ITIH2: variants seen among roughly 807,000 people sequenced by gnomAD.
ITIH2 encodes inter-alpha-trypsin inhibitor heavy chain H2.
Under a neutral mutation model 104.4 loss-of-function variants are expected in ITIH2, and 103 were observed. The observed-to-expected ratio is 0.99, with a 90% confidence interval of 0.84 to 1.16. The LOEUF is 1.16. ITIH2 is among the 50% of genes most tolerant of loss of function. The pLI is 0.00. For synonymous variants in ITIH2, 436 were observed against 435.4 expected, an observed-to-expected ratio of 1.00 and a Z score of -0.02; for missense variants, 1,108 against 1,162.4, an observed-to-expected ratio of 0.95 and a Z score of 0.68.
intron 9 of ITIH2, among the ~76,000 whole-genome samples, chr10:7,725,195 A>C (rs7068351): frequency 0.073 from 11,102 of 152,246 alleles, 563 homozygotes; most frequent in African/African-American, 0.14. Context: ...AAAATAAAAG[A>C]AGCATATGTT....
At chr10:7,726,869 G>A (rs1019186532) in intron 9 of ITIH2, 81 bp from the exon 10 acceptor site, 3 of 1,190,520 alleles carry the variant, frequency 2.5e-6, no homozygotes, top group South Asian at 1.7e-5. Flanking sequence ...AAGATGACCA[G>A]GATCAATGAT....
intron 12 of ITIH2, among the ~76,000 whole-genome samples, chr10:7,731,065 T>C (rs1251817398): frequency 6.6e-6 from 1 of 152,120 alleles, no homozygotes; most frequent in Non-Finnish European, 1.5e-5. Context: ...ATTACAGGCA[T>C]GTGCCACCAG....
At chr10:7,713,624 T>C (rs1281460838) in intron 5 of ITIH2, among the ~76,000 whole-genome samples, 1 of 152,244 alleles carries the variant, frequency 6.6e-6, no homozygotes, top group Non-Finnish European at 1.5e-5. Flanking sequence ...AAACTTAACA[T>C]ATAAGCAGAA....
At position 7,744,914 on chromosome 10, in the gene ITIH2, C is replaced by G; in HGVS notation, c.2532C>G (p.Ile844Met). 1 of 1,614,102 alleles carries G rather than the reference C, an allele frequency of 6.2e-7. No individual in the cohort carries two copies. Among genetic ancestry groups the G allele is most frequent in the Middle Eastern group, 1.6e-4 (1 of 6,062 alleles). Residue 844 changes from isoleucine to methionine, a missense_variant, in exon 19 of 21, where the codon ATC (isoleucine) becomes ATG (methionine). Physicochemically the swap from Ile to Met is conservative, Grantham distance 10 (BLOSUM62 1). Coordinates refer to ENST00000358415, the MANE Select transcript of ITIH2 (RefSeq NM_002216.3). The stretch of plus-strand genomic sequence containing the variant: ...CCGTCAATGTTGACTTTCTGGGAAT[C>G]TACATACCCCCTACAAACAAGTTCT... ...KHPVNVDFLG[I>M]YIPPTNKFSP... is the part of the protein sequence containing the mutation.
chr10:7,710,923 T>C (rs1834791483), intron 4 of ITIH2, among the ~76,000 whole-genome samples: 1 of 151,828 alleles, frequency 6.6e-6, no homozygotes, highest in Non-Finnish European at 1.5e-5. Flanking sequence ...TTTCCTTCTT[T>C]TTTTTTTTTC....
At chr10:7,704,932 G>T (rs912098111) in intron 1 of ITIH2, among the ~76,000 whole-genome samples, 176 bp from the exon 2 acceptor site, 2 of 150,906 alleles carry the variant, frequency 1.3e-5, no homozygotes, top group Non-Finnish European at 2.9e-5. Flanking sequence ...GGGGTGGGGG[G>T]CTAGGGGAGG....
intron 5 of ITIH2, among the ~76,000 whole-genome samples, chr10:7,715,370 G>A (rs536852491): frequency 2.0e-5 from 3 of 151,792 alleles, no homozygotes; most frequent in Non-Finnish European, 4.4e-5. Context: ...GCAGTGAGTC[G>A]ACATTGTGCC....
intron 5 of ITIH2, among the ~76,000 whole-genome samples, chr10:7,717,257 C>T (rs1261408294): frequency 6.6e-6 from 1 of 152,106 alleles, no homozygotes; most frequent in Non-Finnish European, 1.5e-5. Context: ...CAGCCCAAGC[C>T]TAATTTTTTT....
intron 4 of ITIH2, among the ~76,000 whole-genome samples, chr10:7,709,861 C>T (rs935801226): frequency 2.5e-4 from 37 of 149,280 alleles, no homozygotes; most frequent in Non-Finnish European, 4.3e-4. Flanking sequence ...AGCTTGGCTT[C>T]TTTTTTTTTT....
Position 7,737,430 on chromosome 10 carries a change from C to T in ITIH2, c.1958-1191C>T, listed in dbSNP as rs761041564. Among the ~76,000 whole-genome samples, 345 of 109,898 alleles carry T rather than the reference C, an allele frequency of 3.1e-3. 3 individuals carry two copies. The highest frequency in any genetic ancestry group is 0.012 in the African/African-American group (328 of 26,612). 72.1% of individuals were successfully genotyped at this position (109,898 alleles called of 152,430 possible). Reference sequence around the variant, plus strand: ...TCATATATATATATATATATATACACGTGTATATATATATATAACAGATAA... The same window carrying T: ...TCATATATATATATATATATATACATGTGTATATATATATATAACAGATAA... On this transcript the variant is annotated intron_variant, in intron 15 of 20. Transcript: ENST00000358415.
rs143525858 is a variant in ITIH2, at chr10:7,722,822, C to T, written c.868-629C>T. Among the ~76,000 whole-genome samples the T allele has an allele frequency of 6.4e-3, 982 of 152,330 alleles. 10 individuals are homozygous for T. The highest frequency in any genetic ancestry group is 0.011 in the South Asian group (54 of 4,824). ...TTCCTAATCATGGTGTTGAACACAC[C>T]GCGCTGCACATTGCCTCCACTTACC... is the stretch of plus-strand genomic sequence containing the variant. On this transcript the variant is annotated intron_variant, in intron 8 of 20. Transcript: ENST00000358415.
At chr10:7,748,887 A>G (rs1370744016) in intron 20 of ITIH2, among the ~76,000 whole-genome samples, 2 of 151,830 alleles carry the variant, frequency 1.3e-5, no homozygotes, top group Non-Finnish European at 2.9e-5. Flanking sequence ...CAGCCTCAAC[A>G]CTGTGGAGTC....
At chr10:7,733,364 G>A (rs1012017774) in intron 14 of ITIH2, among the ~76,000 whole-genome samples, 1 of 152,118 alleles carries the variant, frequency 6.6e-6, no homozygotes, top group Non-Finnish European at 1.5e-5. Context: ...CTAATGTGCT[G>A]GGATTACAGG....
At chr10:7,732,108 G>A in intron 13 of ITIH2, 112 bp downstream of exon 13, 1 of 943,160 alleles carries the variant, frequency 1.1e-6, no homozygotes, top group Non-Finnish European at 1.6e-6. Flanking sequence ...GAAGCAATCA[G>A]TGATGGAGAA....
At chr10:7,735,277 T>C (rs917532188) in intron 15 of ITIH2, among the ~76,000 whole-genome samples, 186 bp downstream of exon 15, 1 of 152,204 alleles carries the variant, frequency 6.6e-6, no homozygotes, top group Admixed American at 6.5e-5. Flanking sequence ...TCGTTGACCA[T>C]TTTGCTCACA....
At chr10:7,715,686 C>T (rs555503798) in intron 5 of ITIH2, among the ~76,000 whole-genome samples, 1 of 152,192 alleles carries the variant, frequency 6.6e-6, no homozygotes, top group Non-Finnish European at 1.5e-5. Context: ...CTATCCACAA[C>T]AACTCCCCAA....
Position 7,703,612 on chromosome 10 carries a change from G to A in ITIH2, c.84+94G>A, listed in dbSNP as rs988067261. 1.8e-4 allele frequency: 135 copies of A among 759,206 alleles called. No homozygotes were observed. In the African/African-American group the frequency reaches 2.0e-3, roughly 11 times the overall value. 47.0% of individuals were successfully genotyped at this position (759,206 alleles called of 1,614,324 possible). ...GCTATTCAATGGCCTTATTCTGTGT[G>A]TAATGGAAACTTAAGATAAAATTCA... On this transcript the variant is annotated intron_variant, in intron 1 of 20. Coordinates refer to ENST00000358415, the MANE Select transcript of ITIH2 (RefSeq NM_002216.3).
chr10:7,707,240 T>G lies in ITIH2; in HGVS notation c.192+7T>G. On this transcript the variant is annotated splice_region_variant and intron_variant, in intron 3 of 20. Coordinates refer to ENST00000358415, the MANE Select transcript of ITIH2 (RefSeq NM_002216.3). The stretch of plus-strand genomic sequence containing the variant: ...AGAATCGGAAGAAATGATGGTAAGT[T>G]GACTTGATGTTGTTACAGATTGAAT... 6.3e-7 allele frequency: 1 copy of G among 1,591,242 alleles called. No homozygotes were observed. Among genetic ancestry groups the G allele is most frequent in the Non-Finnish European group, 8.6e-7 (1 of 1,161,162 alleles).
At chr10:7,731,550 A>T (rs960279033) in intron 12 of ITIH2, among the ~76,000 whole-genome samples, 2 of 151,608 alleles carry the variant, frequency 1.3e-5, no homozygotes, top group East Asian at 3.9e-4. Context: ...GATGGTGAAA[A>T]CCCGTCTCTA....
Sources: gnomAD v4.1 joint callset for allele counts (sites outside exome capture counted in the v4.1 genomes callset) on GRCh38, gnomAD v4.1.1 for gene constraint, MANE v1.5 for transcripts, NCBI Gene and HGNC (gene_info 2026-07-23, HGNC 2026-07-21) for gene names.